The following HECW2 variants were observed in gnomAD, a reference collection of about 807,000 sequenced individuals.
HECW2 encodes the protein HECT, C2 and WW domain containing E3 ubiquitin protein ligase 2.
A neutral mutation model predicts 175.2 loss-of-function variants in HECW2; 61 were observed. That is an observed-to-expected ratio of 0.35 (90% CI 0.28 to 0.43). The LOEUF is 0.43. HECW2 is among the 20% of genes least tolerant of loss of function. The pLI is 1.00. For missense variants in HECW2, 1,524 were observed against 2,000.5 expected (o/e 0.76, Z 4.54); for synonymous variants, 671 against 731.0 (o/e 0.92, Z 1.32).
At chr2:196,557,861 CTT>C (rs1559174779) in intron 1 of HECW2, among the ~76,000 whole-genome samples, 1 of 151,774 alleles carries the variant, frequency 6.6e-6, no homozygotes, top group African/African-American at 2.4e-5. Flanking sequence ...GATTTTTTTT[CTT>C]TGTTTTATTT....
intron 17 of HECW2, among the ~76,000 whole-genome samples, chr2:196,265,576 T>C (rs939195890): frequency 6.6e-6 from 1 of 152,158 alleles, no homozygotes; most frequent in Non-Finnish European, 1.5e-5. Flanking sequence ...ATATGCATGA[T>C]TAATTTCAGG....
At chr2:196,487,015 G>C (rs934190021) in intron 1 of HECW2, among the ~76,000 whole-genome samples, 2 of 152,082 alleles carry the variant, frequency 1.3e-5, no homozygotes, top group African/African-American at 4.8e-5. Flanking sequence ...CAGGCATGGT[G>C]GCACACATCT....
chr2:196,449,755 T>G (rs1696288785), intron 1 of HECW2, among the ~76,000 whole-genome samples: 1 of 152,194 alleles, frequency 6.6e-6, no homozygotes. Flanking sequence ...ATCATTAAAA[T>G]GCAAAAGTTT....
At chr2:196,352,045 A>C (rs191822932) in intron 2 of HECW2, among the ~76,000 whole-genome samples, 1 of 152,372 alleles carries the variant, frequency 6.6e-6, no homozygotes, top group Non-Finnish European at 1.5e-5. Flanking sequence ...TCACAACTGA[A>C]TGTACCAAAT....
Position 196,323,915 on chromosome 2 carries a change from G to GTT in HECW2, c.741+1063_741+1064dup, listed in dbSNP as rs1160140452. On this transcript the variant is annotated intron_variant, in intron 6 of 28. Transcript: ENST00000644978. ...CCCTTAAGAGTTTTTTTTGTTTTTTGTTTGTTTTTTTTTTTTTTTTTTACC... is the reference window on the plus strand; with the variant it reads ...CCCTTAAGAGTTTTTTTTGTTTTTTGTTTTTGTTTTTTTTTTTTTTTTTTACC... 5.4e-4 allele frequency among the ~76,000 whole-genome samples: 37 copies of GTT among 68,794 alleles called. 1 individual carries two copies. Among genetic ancestry groups the GTT allele is most frequent in the South Asian group, 1.2e-3 (2 of 1,620 alleles). The allele number at this position is 68,794 out of a possible 152,430, so 45.1% of individuals were successfully genotyped here. A position where few individuals can be genotyped will look rare whatever the true frequency, so the allele number is the denominator to read the frequency against.
At chr2:196,408,597 A>G (rs1339242660) in intron 2 of HECW2, among the ~76,000 whole-genome samples, 1 of 152,218 alleles carries the variant, frequency 6.6e-6, no homozygotes, top group Non-Finnish European at 1.5e-5. Flanking sequence ...TAAATGGGAA[A>G]TTCTAGAAAT....
rs375111049 is a variant in HECW2 at position 196,343,588 on chromosome 2, A to T, written c.400+69T>A. 20 of 938,536 alleles carry T rather than the reference A, an allele frequency of 2.1e-5. No homozygotes were observed. In the African/African-American group the frequency reaches 3.0e-4, roughly 14 times the overall value. The allele number at this position is 938,536 out of a possible 1,614,324, so 58.1% of individuals were successfully genotyped here. ...GAATTTCAAAATAACATTCAAAAAG[A>T]CTCCATAGAATTCTGCATACTTATG... On this transcript the variant is annotated intron_variant, in intron 3 of 28. Coordinates refer to ENST00000644978, the MANE Select transcript of HECW2 (RefSeq NM_001348768.2).
chr2:196,439,973 T>C (rs114941308), intron 1 of HECW2, among the ~76,000 whole-genome samples: 33 of 152,214 alleles, frequency 2.2e-4, no homozygotes, highest in African/African-American at 7.2e-4. Flanking sequence ...AGATTGAATA[T>C]AGGGGATAAA....
intron 1 of HECW2, among the ~76,000 whole-genome samples, chr2:196,579,534 C>T (rs1690690591): frequency 6.6e-6 from 1 of 151,970 alleles, no homozygotes. Flanking sequence ...ACTGTATAAT[C>T]AGAGATAAAA....
intron 2 of HECW2, among the ~76,000 whole-genome samples, chr2:196,401,678 T>C (rs1694820493): frequency 6.6e-6 from 1 of 152,212 alleles, no homozygotes; most frequent in Non-Finnish European, 1.5e-5. Context: ...TCAGGGTATA[T>C]ATTCATCCTG....
chr2:196,576,500 G>A (rs568808580), intron 1 of HECW2, among the ~76,000 whole-genome samples: 8 of 152,260 alleles, frequency 5.3e-5, no homozygotes, highest in East Asian at 3.9e-4. Flanking sequence ...ATGTGGAATC[G>A]AAAACAGTCC....
At position 196,325,142 on chromosome 2, in the gene HECW2, C is replaced by A; in HGVS notation, c.579G>T (p.Arg193Ser). The A allele has an allele frequency of 6.3e-7, 1 of 1,582,732 alleles. No individual in the cohort carries two copies. Among genetic ancestry groups the A allele is most frequent in the Non-Finnish European group, 8.6e-7 (1 of 1,166,820 alleles). The change falls in exon 6 of 29, where the codon AGG becomes AGT. Residue 193 changes from arginine to serine, a missense_variant. By Grantham distance (110) the Arg-to-Ser change is moderately radical (BLOSUM62 -1). Around this residue, in one of 11 missense-constraint regions of HECW2, gnomAD observed 54 missense variants for 46.8 expected, o/e 1.15. Coordinates refer to ENST00000644978, the MANE Select transcript of HECW2 (RefSeq NM_001348768.2). The stretch of plus-strand genomic sequence containing the variant: ...ACATCCCTTTCTTTAGCCCAACTGC[C>A]CTAAGATCTTTAAAGAAAGAGGGAG... ...KLVSFTLSDL[R>S]AVGLKKGMFF...
intron 21 of HECW2, among the ~76,000 whole-genome samples, chr2:196,229,431 G>A (rs148592693): frequency 0.011 from 1,639 of 152,204 alleles, 36 homozygotes; most frequent in African/African-American, 0.037. Flanking sequence ...AAGCCAAGGC[G>A]GGAAGATCCA....
chr2:196,490,539 G>A (rs889539352), intron 1 of HECW2, among the ~76,000 whole-genome samples: 7 of 152,110 alleles, frequency 4.6e-5, no homozygotes, highest in Non-Finnish European at 8.8e-5. Context: ...CTGGAAAATA[G>A]GCAGTTTCTT....
At chr2:196,405,396 A>G (rs982958999) in intron 2 of HECW2, among the ~76,000 whole-genome samples, 1 of 152,102 alleles carries the variant, frequency 6.6e-6, no homozygotes, top group Admixed American at 6.6e-5. Flanking sequence ...CCAGGTGACG[A>G]TATCACATGT....
At chr2:196,282,621 T>C (rs1243208055) in intron 14 of HECW2, among the ~76,000 whole-genome samples, 1 of 152,174 alleles carries the variant, frequency 6.6e-6, no homozygotes, top group East Asian at 1.9e-4. Context: ...TATCTAAAGA[T>C]CTGGAATCAA....
rs57767817 is a variant in HECW2 at position 196,243,171 on chromosome 2, C to CTTTT, written c.3530-971_3530-968dup. Among the ~76,000 whole-genome samples, 757 of 142,312 alleles carry CTTTT rather than the reference C, an allele frequency of 5.3e-3. 16 individuals are homozygous for CTTTT. Among genetic ancestry groups the CTTTT allele is most frequent in the South Asian group, 0.02 (92 of 4,614 alleles). 93.4% of individuals were successfully genotyped at this position (142,312 alleles called of 152,430 possible). On this transcript the variant is annotated intron_variant, in intron 19 of 28. Transcript: ENST00000644978. ...AAATAATATTAATATTTATTGGATT[C>CTTTT]TTTTTTTTTTTTTGAGACGGAGTTT... is the stretch of plus-strand genomic sequence containing the variant.
intron 14 of HECW2, among the ~76,000 whole-genome samples, chr2:196,287,776 T>C (rs1690447371): frequency 6.6e-6 from 1 of 152,318 alleles, no homozygotes; most frequent in East Asian, 1.9e-4. Flanking sequence ...GGTGCTTTCC[T>C]GTCTCTGTGC....
At chr2:196,310,786 G>GTGTGTGTGTA in intron 10 of HECW2, among the ~76,000 whole-genome samples, 1 of 151,454 alleles carries the variant, frequency 6.6e-6, no homozygotes, top group African/African-American at 2.4e-5. Flanking sequence ...GTGTGTGTGT[G>GTGTGTGTGTA]TGTTTTGCAC....
Sources: gnomAD v4.1 joint callset for allele counts (sites outside exome capture counted in the v4.1 genomes callset) on GRCh38, gnomAD v4.1.1 for gene constraint, gnomAD v4.1.1 regional missense constraint, MANE v1.5 for transcripts, NCBI Gene and HGNC (gene_info 2026-07-23, HGNC 2026-07-21) for gene names.